ADAMTS6: variants seen among roughly 807,000 people sequenced by gnomAD.
ADAMTS6 encodes A disintegrin and metalloproteinase with thrombospondin motifs 6.
In ADAMTS6, 23 loss-of-function variants were observed where a neutral mutation model predicts 144.3. The observed-to-expected ratio is 0.16, with a 90% CI of 0.11 to 0.23. The LOEUF (loss-of-function observed/expected upper bound fraction) is 0.23, where lower values mean the gene tolerates loss of function less well. ADAMTS6 is among the 10% of genes least tolerant of loss of function. The pLI is 1.00. For missense variants in ADAMTS6, 999 were observed against 1,379.6 expected, an observed-to-expected ratio of 0.72 and a Z score of 4.37; for synonymous variants, 444 against 457.5, an observed-to-expected ratio of 0.97 and a Z score of 0.38.
At chr5:65,154,203 G>A (rs965314675) in intron 24 of ADAMTS6, among the ~76,000 whole-genome samples, 13 of 152,188 alleles carry the variant, frequency 8.5e-5, no homozygotes, top group African/African-American at 2.4e-4. Flanking sequence ...GCTAGACTCC[G>A]TCTCAAAAAA....
chr5:65,277,208 A>G (rs2112681699), intron 11 of ADAMTS6, among the ~76,000 whole-genome samples: 1 of 152,328 alleles, frequency 6.6e-6, no homozygotes, highest in East Asian at 1.9e-4. Context: ...TACAAAAGTA[A>G]TAGCTTTTTC....
chr5:65,464,845 G>C (rs1254333760), intron 3 of ADAMTS6, among the ~76,000 whole-genome samples: 2 of 151,988 alleles, frequency 1.3e-5, no homozygotes, highest in Non-Finnish European at 2.9e-5. Context: ...CAACTCCAAG[G>C]GATAGTCCTT....
chr5:65,262,683 TG>T, intron 13 of ADAMTS6, 133 bp downstream of exon 13: 4 of 1,009,148 alleles, frequency 4.0e-6, no homozygotes, highest in Non-Finnish European at 4.0e-6. Context: ...CACTTTCCTG[TG>T]CCTATGGCTT....
intron 3 of ADAMTS6, among the ~76,000 whole-genome samples, chr5:65,466,414 C>A (rs1760005678): frequency 6.6e-6 from 1 of 152,182 alleles, no homozygotes; most frequent in South Asian, 2.1e-4. Flanking sequence ...GGTCTTTGCT[C>A]AATACTTTTT....
chr5:65,302,309 T>G (rs1042787519), intron 9 of ADAMTS6, among the ~76,000 whole-genome samples: 2 of 144,996 alleles, frequency 1.4e-5, no homozygotes, highest in Non-Finnish European at 3.0e-5. Context: ...TATATAATTA[T>G]TATATACATA....
intron 14 of ADAMTS6, among the ~76,000 whole-genome samples, chr5:65,253,028 C>T (rs1287937423): frequency 6.6e-6 from 1 of 151,938 alleles, no homozygotes; most frequent in Non-Finnish European, 1.5e-5. Context: ...GCTGGGACTA[C>T]AGGCATGCAC....
intron 9 of ADAMTS6, among the ~76,000 whole-genome samples, chr5:65,320,620 C>T (rs1012445179): frequency 6.6e-6 from 1 of 150,794 alleles, no homozygotes; most frequent in African/African-American, 2.4e-5. Context: ...AAATTTGTGT[C>T]ATGGGGGTCT....
chr5:65,406,416 TG>T (rs531689747), intron 7 of ADAMTS6, among the ~76,000 whole-genome samples: 108 of 152,270 alleles, frequency 7.1e-4, no homozygotes, highest in African/African-American at 2.5e-3. Flanking sequence ...ATGTGGTTTT[TG>T]TCTTTGGTTC....
intron 24 of ADAMTS6, among the ~76,000 whole-genome samples, chr5:65,170,343 G>A (rs1044034434): frequency 6.6e-6 from 1 of 152,054 alleles, no homozygotes; most frequent in Non-Finnish European, 1.5e-5. Context: ...AGAATACAAG[G>A]CTGGATATGA....
chr5:65,397,753 T>C (rs560634475), intron 7 of ADAMTS6, among the ~76,000 whole-genome samples: 1 of 152,040 alleles, frequency 6.6e-6, no homozygotes, highest in Non-Finnish European at 1.5e-5. Flanking sequence ...GGCACATGCT[T>C]GTAGTCCCAG....
intron 22 of ADAMTS6, among the ~76,000 whole-genome samples, chr5:65,178,115 ATCCCCGAGCGGATGTGTGATGGT>A (rs1371727521): frequency 4.6e-5 from 7 of 152,204 alleles, no homozygotes; most frequent in African/African-American, 1.7e-4. Flanking sequence ...GCTCTTGTTC[ATCCCCGAGCGGATGTGTGATGGT>A]ATTGTGGTGG....
chr5:65,346,645 GAAAGAAAA>G (rs1190317722), intron 7 of ADAMTS6, among the ~76,000 whole-genome samples: 3 of 149,348 alleles, frequency 2.0e-5, no homozygotes, highest in Non-Finnish European at 4.5e-5. Context: ...AGGCAAAAAA[GAAAGAAAA>G]AAAGGAAAAA....
intron 7 of ADAMTS6, among the ~76,000 whole-genome samples, chr5:65,389,988 T>A (rs1445764227): frequency 6.6e-6 from 1 of 152,126 alleles, no homozygotes; most frequent in African/African-American, 2.4e-5. Flanking sequence ...AAGCCCAAAA[T>A]CACAGTGTCT....
chr5:65,323,572 A>G (rs1318735994), intron 9 of ADAMTS6, among the ~76,000 whole-genome samples: 1 of 152,108 alleles, frequency 6.6e-6, no homozygotes, highest in East Asian at 1.9e-4. Flanking sequence ...ATGCCGCTAT[A>G]AACATACGTG....
intron 11 of ADAMTS6, among the ~76,000 whole-genome samples, chr5:65,274,113 T>A (rs1762265319): frequency 6.6e-6 from 1 of 152,144 alleles, no homozygotes; most frequent in South Asian, 2.1e-4. Context: ...GTTGTCTCCT[T>A]TCCTATGATT....
chr5:65,438,534 C>T (rs975668782), intron 7 of ADAMTS6, among the ~76,000 whole-genome samples: 1 of 152,066 alleles, frequency 6.6e-6, no homozygotes, highest in Non-Finnish European at 1.5e-5. Flanking sequence ...CTTATACATA[C>T]ATACATACAT....
At chr5:65,364,441 G>T (rs1267196150) in intron 7 of ADAMTS6, among the ~76,000 whole-genome samples, 1 of 151,768 alleles carries the variant, frequency 6.6e-6, no homozygotes, top group East Asian at 1.9e-4. Context: ...ATAACATAAA[G>T]AATACAATAT....
intron 4 of ADAMTS6, among the ~76,000 whole-genome samples, chr5:65,456,981 G>A (rs1043410262): frequency 2.0e-5 from 3 of 152,164 alleles, no homozygotes; most frequent in African/African-American, 7.2e-5. Flanking sequence ...TGAATTCCAG[G>A]TAATAGGCTA....
At chr5:65,416,384 G>T (rs948449954) in intron 7 of ADAMTS6, among the ~76,000 whole-genome samples, 7 of 152,146 alleles carry the variant, frequency 4.6e-5, no homozygotes, top group African/African-American at 1.7e-4. Context: ...TAATTTTTAA[G>T]TTCTTCAAAA....
Sources: gnomAD v4.1 joint callset for allele counts (sites outside exome capture counted in the v4.1 genomes callset) on GRCh38, gnomAD v4.1.1 for gene constraint, MANE v1.5 for transcripts, NCBI Gene and HGNC (gene_info 2026-07-23, HGNC 2026-07-21) for gene names.